Variants in GRM1 observed in about 807,000 individuals in gnomAD.
The protein encoded by GRM1 is glutamate metabotropic receptor 1, also known as metabotropic glutamate receptor 1.
GRM1 carries 33 observed loss-of-function variants against 90.9 expected under a neutral mutation model. The ratio of observed to expected loss-of-function variants is 0.36; its 90% CI spans 0.28 to 0.49. GRM1 has a LOEUF of 0.49. GRM1 is among the 20% of genes least tolerant of loss of function. The pLI is 0.99. For missense variants in GRM1, 1,190 were observed against 1,534.3 expected (o/e 0.78, Z 3.75); for synonymous variants, 700 against 613.2 (o/e 1.14, Z -2.09).
intron 5 of GRM1, among the ~76,000 whole-genome samples, chr6:146,366,292 G>T (rs1202848710): frequency 6.6e-6 from 1 of 152,008 alleles, no homozygotes; most frequent in African/African-American, 2.4e-5. Flanking sequence ...ATCAAATCTG[G>T]GTCAGTGGGA....
At chr6:146,225,969 G>A (rs1480568215) in intron 2 of GRM1, among the ~76,000 whole-genome samples, 1 of 152,132 alleles carries the variant, frequency 6.6e-6, no homozygotes, top group Non-Finnish European at 1.5e-5. Context: ...AACCTGGAAT[G>A]CACCTTTGTT....
At chr6:146,120,413 A>G (rs1459252890) in intron 1 of GRM1, among the ~76,000 whole-genome samples, 3 of 152,136 alleles carry the variant, frequency 2.0e-5, no homozygotes, top group African/African-American at 7.2e-5. Context: ...TCTTTTCCTA[A>G]TTGAATACCC....
intron 1 of GRM1, among the ~76,000 whole-genome samples, chr6:146,126,213 A>AG (rs1776193239): frequency 6.6e-6 from 1 of 152,170 alleles, no homozygotes; most frequent in African/African-American, 2.4e-5. Flanking sequence ...ACTTGAAAAA[A>AG]TACATTCTTG....
intron 1 of GRM1, among the ~76,000 whole-genome samples, chr6:146,080,001 T>A (rs1237735493): frequency 2.6e-5 from 4 of 152,226 alleles, no homozygotes; most frequent in Non-Finnish European, 5.9e-5. Context: ...CACTATAGGT[T>A]TGCCCCAGTG....
chr6:146,390,154 CTTT>C (rs1002291243), intron 6 of GRM1, among the ~76,000 whole-genome samples: 2 of 151,630 alleles, frequency 1.3e-5, no homozygotes, highest in African/African-American at 4.8e-5. Context: ...GTAAAATATA[CTTT>C]TTATTTTTAA....
rs766378862 is a variant in GRM1 at position 146,352,458 on chromosome 6, G to A, written c.1395G>A (p.Glu465=). 1.2e-6 allele frequency: 2 copies of A among 1,613,846 alleles called. No individual in the cohort carries two copies. The highest frequency in any genetic ancestry group is 1.6e-4 in the Middle Eastern group (1 of 6,062). The part of the protein sequence containing the change: ...IKSSFIGVSG[E]EVWFDEKGDA... ...CCTCATTCATTGGAGTATCTGGAGA[G>A]GAGGTGTGGTTTGATGAGAAAGGAG... The change falls in exon 4 of 8, where the codon GAG becomes GAA. Residue 465 remains glutamate, a synonymous_variant. Transcript: ENST00000282753.
chr6:146,417,781 A>G (rs1777840424), intron 7 of GRM1, among the ~76,000 whole-genome samples: 1 of 152,124 alleles, frequency 6.6e-6, no homozygotes, highest in Non-Finnish European at 1.5e-5. Context: ...CTTCTTTTCA[A>G]AACATCCTGA....
intron 2 of GRM1, among the ~76,000 whole-genome samples, chr6:146,258,853 G>A (rs1360276672): frequency 6.6e-6 from 1 of 152,156 alleles, no homozygotes; most frequent in Non-Finnish European, 1.5e-5. Context: ...CTAAATCCAC[G>A]ACAGCAGGGG....
chr6:146,267,701 G>GTCTC (rs1319692570), intron 2 of GRM1, among the ~76,000 whole-genome samples: 34 of 100,642 alleles, frequency 3.4e-4, no homozygotes, highest in African/African-American at 9.0e-4. Flanking sequence ...GGCTCGGCTC[G>GTCTC]GCTCGTCTCG....
At chr6:146,183,040 A>G (rs1035702693) in intron 2 of GRM1, among the ~76,000 whole-genome samples, 1 of 152,122 alleles carries the variant, frequency 6.6e-6, no homozygotes, top group Non-Finnish European at 1.5e-5. Flanking sequence ...GGCTGGTAGG[A>G]CAGCTCTACC....
chr6:146,307,094 G>A (rs1349306673), intron 3 of GRM1, among the ~76,000 whole-genome samples: 2 of 152,126 alleles, frequency 1.3e-5, no homozygotes, highest in Non-Finnish European at 1.5e-5. Flanking sequence ...CTGCAACAAG[G>A]TACACTAATA....
In GRM1 at chr6:146,340,555, G is replaced by GTT. The variant is rs34284341; in HGVS notation, c.1187-11688_1187-11687dup. The GTT allele has an allele frequency of 1.1e-4, 16 of 151,270 alleles. 1 individual carries two copies. The highest frequency in any genetic ancestry group is 4.4e-5 in the Non-Finnish European group (3 of 67,970). 9.4% of individuals were successfully genotyped at this position (151,270 alleles called of 1,614,324 possible). ...GCCATATTTCTTTTTTTTGTTTTTTGTTTTTTTTGAGACAAAGTCTCACTC... is the reference window on the plus strand; with the variant it reads ...GCCATATTTCTTTTTTTTGTTTTTTGTTTTTTTTTTGAGACAAAGTCTCACTC... On this transcript the variant is annotated intron_variant, in intron 3 of 7. Coordinates refer to ENST00000282753, the MANE Select transcript of GRM1 (RefSeq NM_001278064.2).
intron 1 of GRM1, among the ~76,000 whole-genome samples, chr6:146,109,982 T>C (rs560060919): frequency 1.3e-5 from 2 of 152,372 alleles, no homozygotes; most frequent in South Asian, 4.1e-4. Flanking sequence ...ACCCTCATTG[T>C]ATCTAGGAAG....
At chr6:146,054,279 A>C (rs1214259857) in intron 1 of GRM1, among the ~76,000 whole-genome samples, 1 of 152,136 alleles carries the variant, frequency 6.6e-6, no homozygotes, top group East Asian at 1.9e-4. Flanking sequence ...ACCAGTACTC[A>C]AAGTACTCTT....
At chr6:146,122,466 T>A (rs1776027459) in intron 1 of GRM1, among the ~76,000 whole-genome samples, 1 of 152,154 alleles carries the variant, frequency 6.6e-6, no homozygotes, top group Admixed American at 6.5e-5. Context: ...TTATTTCCAG[T>A]AAATTTTCTT....
intron 1 of GRM1, among the ~76,000 whole-genome samples, chr6:146,067,103 G>A (rs193052529): frequency 3.3e-5 from 5 of 152,214 alleles, no homozygotes; most frequent in African/African-American, 1.2e-4. Context: ...CAATTGAACT[G>A]GTGAGTTTCT....
At chr6:146,413,361 G>A (rs1001016127) in intron 7 of GRM1, among the ~76,000 whole-genome samples, 1 of 151,958 alleles carries the variant, frequency 6.6e-6, no homozygotes, top group African/African-American at 2.4e-5. Flanking sequence ...GGTATTGATT[G>A]TATTAGGTCA....
chr6:146,168,229 T>G (rs1583102771), intron 2 of GRM1, among the ~76,000 whole-genome samples: 2 of 152,150 alleles, frequency 1.3e-5, no homozygotes, highest in Admixed American at 1.3e-4. Flanking sequence ...CAATTTTATC[T>G]CTATTTTTGG....
chr6:146,085,674 GA>G (rs961259805), intron 1 of GRM1, among the ~76,000 whole-genome samples: 5 of 151,924 alleles, frequency 3.3e-5, no homozygotes, highest in African/African-American at 9.7e-5. Flanking sequence ...AAAAAGAGGA[GA>G]AAAACTTTGC....
Sources: gnomAD v4.1 joint callset for allele counts (sites outside exome capture counted in the v4.1 genomes callset) on GRCh38, gnomAD v4.1.1 for gene constraint, MANE v1.5 for transcripts, NCBI Gene and HGNC (gene_info 2026-07-23, HGNC 2026-07-21) for gene names.